The following EXOC6B variants were observed in gnomAD, a reference collection of about 807,000 sequenced individuals.
EXOC6B encodes the protein exocyst complex component 6B.
EXOC6B carries 54 observed loss-of-function variants against 113.5 expected under a neutral mutation model. The ratio of observed to expected loss-of-function variants is 0.48; its 90% CI spans 0.38 to 0.60. The LOEUF (loss-of-function observed/expected upper bound fraction) is 0.60. Ranked by LOEUF, EXOC6B falls within the 20% of genes least tolerant of loss-of-function variation. EXOC6B has a pLI of 0.00. For missense variants in EXOC6B, 797 were observed against 977.5 expected, an observed-to-expected ratio of 0.82 and a Z score of 2.46; for synonymous variants, 357 against 339.0, an observed-to-expected ratio of 1.05 and a Z score of -0.58.
intron 18 of EXOC6B, among the ~76,000 whole-genome samples, chr2:72,449,361 C>A (rs1010022914): frequency 6.6e-6 from 1 of 151,912 alleles, no homozygotes; most frequent in Non-Finnish European, 1.5e-5. Flanking sequence ...TTAGTAGAGA[C>A]AGAGTTTCAC....
At chr2:72,696,018 T>C (rs961945519) in intron 6 of EXOC6B, among the ~76,000 whole-genome samples, 2 of 152,146 alleles carry the variant, frequency 1.3e-5, no homozygotes, top group Non-Finnish European at 2.9e-5. Flanking sequence ...ATATATATAA[T>C]TTTCATCTTA....
At chr2:72,730,456 T>C (rs1680564196) in intron 5 of EXOC6B, among the ~76,000 whole-genome samples, 1 of 152,126 alleles carries the variant, frequency 6.6e-6, no homozygotes, top group Non-Finnish European at 1.5e-5. Context: ...TTATCTTAAC[T>C]CTTCACTGGA....
intron 18 of EXOC6B, among the ~76,000 whole-genome samples, chr2:72,431,813 A>G (rs1221989594): frequency 6.6e-6 from 1 of 151,682 alleles, no homozygotes; most frequent in Non-Finnish European, 1.5e-5. Flanking sequence ...CCACACCCCA[A>G]CGAGCCCTGG....
At chr2:72,408,398 A>G (rs1693931233) in intron 18 of EXOC6B, among the ~76,000 whole-genome samples, 1 of 152,130 alleles carries the variant, frequency 6.6e-6, no homozygotes, top group Non-Finnish European at 1.5e-5. Context: ...AAAAGAGCCC[A>G]CATTGCCAAG....
intron 8 of EXOC6B, among the ~76,000 whole-genome samples, chr2:72,554,793 A>G (rs189614424): frequency 2.0e-5 from 3 of 152,024 alleles, no homozygotes; most frequent in Non-Finnish European, 4.4e-5. Flanking sequence ...TCCAGGGTAC[A>G]TGTGCACAAC....
chr2:72,373,057 C>T (rs914531328), intron 19 of EXOC6B, among the ~76,000 whole-genome samples: 10 of 150,282 alleles, frequency 6.7e-5, no homozygotes, highest in Non-Finnish European at 1.3e-4. Context: ...ATATCAGTCT[C>T]GGAAGACTTT....
intron 19 of EXOC6B, among the ~76,000 whole-genome samples, chr2:72,336,617 G>A (rs776273222): frequency 6.6e-5 from 10 of 152,144 alleles, no homozygotes; most frequent in Non-Finnish European, 8.8e-5. Context: ...ATGCTTGGCA[G>A]TACTAAAGTT....
rs779825606 is a variant in EXOC6B at position 72,823,481 on chromosome 2, AAAAAC to A, written c.113+2312_113+2316del. ...TAAGAAAAAAAAAAAAAAAAAAACA[AAAAAC>A]AAAAAAAAAGACAGTGGCCAGGCAC... is the stretch of plus-strand genomic sequence containing the variant. On this transcript the variant is annotated intron_variant, in intron 1 of 21. Coordinates refer to ENST00000272427, the MANE Select transcript of EXOC6B (RefSeq NM_015189.3). 8.0e-3 allele frequency among the ~76,000 whole-genome samples: 1,131 copies of A among 142,092 alleles called. 105 individuals are homozygous for A. Among genetic ancestry groups the A allele is most frequent in the Non-Finnish European group, 0.013 (865 of 65,760 alleles). The allele number at this position is 142,092 out of a possible 152,430, so 93.2% of individuals were successfully genotyped here. A position where few individuals can be genotyped will look rare whatever the true frequency, so the allele number is the denominator to read the frequency against.
chr2:72,819,115 T>C (rs1274562597), intron 1 of EXOC6B, among the ~76,000 whole-genome samples: 1 of 152,188 alleles, frequency 6.6e-6, no homozygotes, highest in Non-Finnish European at 1.5e-5. Flanking sequence ...TGAATGAATA[T>C]ATGAATGAAT....
At chr2:72,275,227 C>A (rs1444711083) in intron 20 of EXOC6B, among the ~76,000 whole-genome samples, 2 of 152,116 alleles carry the variant, frequency 1.3e-5, no homozygotes, top group African/African-American at 4.8e-5. Context: ...TCATTCTACA[C>A]CATAAATGAC....
chr2:72,280,923 G>C (rs1189077453), intron 20 of EXOC6B, among the ~76,000 whole-genome samples: 1 of 152,026 alleles, frequency 6.6e-6, no homozygotes, highest in Non-Finnish European at 1.5e-5. Context: ...ACAGAAAACA[G>C]CCTATTGGCA....
intron 6 of EXOC6B, among the ~76,000 whole-genome samples, chr2:72,600,069 A>T (rs1241944580): frequency 6.6e-6 from 1 of 152,196 alleles, no homozygotes; most frequent in Non-Finnish European, 1.5e-5. Context: ...GAAAGGCAAA[A>T]GACACAGAAT....
Position 72,575,636 on chromosome 2 carries a change from G to C in EXOC6B, c.702C>G (p.Val234=). The change falls in exon 7 of 22, where the codon GTC becomes GTG. Residue 234 remains valine, a synonymous_variant. Transcript: ENST00000272427. ...AQQQRNLDNI[V]LQQPRIGSKR... is the part of the protein sequence containing the mutation. ...TGCTACCTATTCTGGGTTGTTGCAA[G>C]ACGATGTTATCCAGGTTTCTTTGCT... 6.2e-7 allele frequency: 1 copy of C among 1,603,588 alleles called. No individual in the cohort carries two copies. Among genetic ancestry groups the C allele is most frequent in the Non-Finnish European group, 8.5e-7 (1 of 1,175,998 alleles).
intron 19 of EXOC6B, among the ~76,000 whole-genome samples, chr2:72,363,675 C>T (rs1238859736): frequency 2.0e-5 from 3 of 152,056 alleles, no homozygotes; most frequent in African/African-American, 7.2e-5. Context: ...TGCTTTACCA[C>T]ACAATGAAAT....
chr2:72,565,823 C>T (rs754029309), intron 7 of EXOC6B, among the ~76,000 whole-genome samples: 1 of 152,038 alleles, frequency 6.6e-6, no homozygotes, highest in East Asian at 1.9e-4. Flanking sequence ...AGAAAATAGG[C>T]AACTCATGCA....
intron 1 of EXOC6B, among the ~76,000 whole-genome samples, chr2:72,743,209 CACAA>C (rs1321600715): frequency 6.6e-6 from 1 of 152,152 alleles, no homozygotes; most frequent in African/African-American, 2.4e-5. Flanking sequence ...ACATTACCAC[CACAA>C]TGGACCAATG....
chr2:72,416,628 TG>T (rs1238690484), intron 18 of EXOC6B, among the ~76,000 whole-genome samples: 1 of 152,190 alleles, frequency 6.6e-6, no homozygotes, highest in African/African-American at 2.4e-5. Flanking sequence ...TTCTTCTCTT[TG>T]GGAAAAGTTT....
chr2:72,681,465 C>A (rs1043562339), intron 6 of EXOC6B, among the ~76,000 whole-genome samples: 1 of 152,138 alleles, frequency 6.6e-6, no homozygotes, highest in Admixed American at 6.5e-5. Context: ...TGAATCCCAA[C>A]ACAAAACCTG....
intron 20 of EXOC6B, among the ~76,000 whole-genome samples, chr2:72,245,762 A>C (rs1189647827): frequency 2.0e-5 from 3 of 152,200 alleles, no homozygotes; most frequent in Non-Finnish European, 4.4e-5. Flanking sequence ...GTACAATACA[A>C]AGAACAGACC....
Sources: gnomAD v4.1 joint callset for allele counts (sites outside exome capture counted in the v4.1 genomes callset) on GRCh38, gnomAD v4.1.1 for gene constraint, MANE v1.5 for transcripts, NCBI Gene and HGNC (gene_info 2026-07-23, HGNC 2026-07-21) for gene names.